Variants in PARD3 observed in about 807,000 individuals in gnomAD.
PARD3 encodes the protein partitioning defective 3 homolog.
In PARD3, 75 loss-of-function variants were observed where a neutral mutation model predicts 155.4. That is an observed-to-expected ratio of 0.48 (90% CI 0.40 to 0.58). The LOEUF is 0.58. Ranked by LOEUF, PARD3 falls within the 20% of genes least tolerant of loss-of-function variation. PARD3 has a pLI of 0.00. For synonymous variants in PARD3, 576 were observed against 610.5 expected, an observed-to-expected ratio of 0.94 and a Z score of 0.83; for missense variants, 1,642 against 1,721.7, an observed-to-expected ratio of 0.95 and a Z score of 0.82.
At chr10:34,652,464 C>T (rs185267920) in intron 2 of PARD3, among the ~76,000 whole-genome samples, 4 of 152,262 alleles carry the variant, frequency 2.6e-5, no homozygotes, top group Admixed American at 6.5e-5. Context: ...ACAGGGAATG[C>T]GTCTAGTTTG....
intron 22 of PARD3, among the ~76,000 whole-genome samples, chr10:34,218,618 AT>A (rs1244158969): frequency 1.3e-5 from 2 of 152,008 alleles, no homozygotes; most frequent in East Asian, 3.9e-4. Context: ...AGAAAAACAA[AT>A]TTTTTTTTGA....
intron 1 of PARD3, among the ~76,000 whole-genome samples, chr10:34,709,310 G>A (rs76253757): frequency 0.01 from 1,559 of 152,244 alleles, 15 homozygotes; most frequent in Middle Eastern, 0.024. Context: ...AAGTACTTAT[G>A]TGTGGAATTT....
chr10:34,349,433 G>A (rs1837767456), intron 14 of PARD3, among the ~76,000 whole-genome samples: 1 of 151,608 alleles, frequency 6.6e-6, no homozygotes, highest in Non-Finnish European at 1.5e-5. Context: ...ACGAGGATTT[G>A]TTTCATTTGT....
chr10:34,414,670 G>GA (rs1260585336), intron 5 of PARD3, among the ~76,000 whole-genome samples: 2 of 151,290 alleles, frequency 1.3e-5, no homozygotes, highest in Admixed American at 6.6e-5. Flanking sequence ...AAAATTAAAA[G>GA]AAAAAAATAA....
intron 9 of PARD3, among the ~76,000 whole-genome samples, 180 bp downstream of exon 9, chr10:34,382,360 T>A (rs1230755741): frequency 1.3e-5 from 2 of 152,216 alleles, no homozygotes; most frequent in Non-Finnish European, 2.9e-5. Context: ...AAATACAATT[T>A]GAAATATGTT....
At chr10:34,491,077 A>T (rs542028141) in intron 3 of PARD3, among the ~76,000 whole-genome samples, 1 of 152,034 alleles carries the variant, frequency 6.6e-6, no homozygotes, top group Non-Finnish European at 1.5e-5. Flanking sequence ...GGGGCCTGAG[A>T]CTCTGCATTT....
At chr10:34,175,583 C>G (rs1000621066) in intron 22 of PARD3, among the ~76,000 whole-genome samples, 1 of 151,978 alleles carries the variant, frequency 6.6e-6, no homozygotes, top group Non-Finnish European at 1.5e-5. Context: ...TATATTTTCA[C>G]CTGGGGAAAA....
At chr10:34,587,127 T>C (rs2088146749) in intron 2 of PARD3, among the ~76,000 whole-genome samples, 1 of 151,918 alleles carries the variant, frequency 6.6e-6, no homozygotes, top group Non-Finnish European at 1.5e-5. Context: ...TTTTATTGTG[T>C]TTTTTTGTTT....
chr10:34,523,452 T>C (rs904479444), intron 2 of PARD3, among the ~76,000 whole-genome samples: 16 of 152,240 alleles, frequency 1.1e-4, no homozygotes, highest in Non-Finnish European at 2.1e-4. Context: ...AAAGGCATCA[T>C]ATTTTGGCCC....
chr10:34,812,630 A>G (rs922896814), intron 1 of PARD3, among the ~76,000 whole-genome samples: 12 of 152,182 alleles, frequency 7.9e-5, no homozygotes, highest in Non-Finnish European at 2.9e-5. Flanking sequence ...TTTAAGGGTC[A>G]ACAATCTTGG....
intron 3 of PARD3, among the ~76,000 whole-genome samples, chr10:34,509,800 AC>A (rs2081295725): frequency 4.0e-5 from 6 of 150,112 alleles, no homozygotes; most frequent in African/African-American, 1.5e-4. Flanking sequence ...TGACAAAACA[AC>A]AAAAAAAAAG....
chr10:34,418,414 T>C (rs1231246985), intron 5 of PARD3, among the ~76,000 whole-genome samples: 1 of 152,170 alleles, frequency 6.6e-6, no homozygotes, highest in African/African-American at 2.4e-5. Flanking sequence ...ACTCAAGCAA[T>C]CTGCCCACGT....
intron 22 of PARD3, among the ~76,000 whole-genome samples, chr10:34,213,602 A>G (rs568479504): frequency 2.0e-5 from 3 of 152,356 alleles, no homozygotes; most frequent in Admixed American, 6.5e-5. Flanking sequence ...ACAGACAATT[A>G]TAAGGGTTTG....
At chr10:34,654,290 A>G (rs2093102436) in intron 2 of PARD3, among the ~76,000 whole-genome samples, 1 of 152,216 alleles carries the variant, frequency 6.6e-6, no homozygotes, top group Admixed American at 6.5e-5. Flanking sequence ...ATAAGGTGAT[A>G]TCATATAACA....
At chr10:34,570,063 T>C (rs1169737807) in intron 2 of PARD3, among the ~76,000 whole-genome samples, 6 of 152,180 alleles carry the variant, frequency 3.9e-5, no homozygotes, top group Non-Finnish European at 1.5e-5. Context: ...AAACTTAACA[T>C]AGTACATCTA....
At chr10:34,504,668 T>C (rs562622076) in intron 3 of PARD3, among the ~76,000 whole-genome samples, 5 of 152,160 alleles carry the variant, frequency 3.3e-5, no homozygotes, top group Admixed American at 6.5e-5. Context: ...GGCACACTTA[T>C]CAGCACCTTG....
chr10:34,381,813 T>A (rs1409720950), intron 9 of PARD3, among the ~76,000 whole-genome samples: 2 of 147,728 alleles, frequency 1.4e-5, no homozygotes, highest in Non-Finnish European at 3.0e-5. Flanking sequence ...GTGCCTCTAG[T>A]CACAGCACTT....
intron 19 of PARD3, among the ~76,000 whole-genome samples, chr10:34,325,784 A>C (rs916144828): frequency 1.3e-5 from 2 of 152,020 alleles, no homozygotes; most frequent in African/African-American, 4.8e-5. Flanking sequence ...TCTAAGATTC[A>C]GTTCCTAAGT....
At chr10:34,326,687 A>C (rs1352579503) in intron 19 of PARD3, among the ~76,000 whole-genome samples, 1 of 152,232 alleles carries the variant, frequency 6.6e-6, no homozygotes, top group Non-Finnish European at 1.5e-5. Context: ...AACAATAACA[A>C]AATTCCCCTA....
Sources: gnomAD v4.1 joint callset for allele counts (sites outside exome capture counted in the v4.1 genomes callset) on GRCh38, gnomAD v4.1.1 for gene constraint, MANE v1.5 for transcripts, NCBI Gene and HGNC (gene_info 2026-07-23, HGNC 2026-07-21) for gene names.